The following HSD11B1 variants were observed in gnomAD, a reference collection of about 807,000 sequenced individuals.
The protein encoded by HSD11B1 is 11-beta-hydroxysteroid dehydrogenase 1.
In HSD11B1, 15 loss-of-function variants were observed where a neutral mutation model predicts 22.1. The ratio of observed to expected loss-of-function variants is 0.68; its 90% CI spans 0.45 to 1.04. The LOEUF (loss-of-function observed/expected upper bound fraction) is 1.04, where lower values mean the gene tolerates loss of function less well. Among genes scored for constraint, HSD11B1 ranks in the 50% least tolerant of loss-of-function variants. The probability of loss-of-function intolerance (pLI) is 0.00; values close to 1 mark genes in which losing one functional copy is unlikely to be tolerated. For missense variants in HSD11B1, 281 were observed against 357.6 expected, an observed-to-expected ratio of 0.79 and a Z score of 1.73; for synonymous variants, 122 against 125.2, an observed-to-expected ratio of 0.97 and a Z score of 0.17.
intron 4 of HSD11B1, among the ~76,000 whole-genome samples, chr1:209,730,883 G>A (rs201415306): frequency 1.2e-4 from 19 of 152,238 alleles, no homozygotes; most frequent in East Asian, 9.7e-4. Flanking sequence ...AAATATCGAC[G>A]ACAACCATTG....
At position 209,709,937 on chromosome 1, in the gene HSD11B1, AACACACAC is replaced by A. The variant is rs71143893; in HGVS notation, c.517+2839_517+2846del. Among the ~76,000 whole-genome samples, 371 of 143,888 alleles carry A rather than the reference AACACACAC, an allele frequency of 2.6e-3. 3 individuals carry two copies. The highest frequency in any genetic ancestry group is 5.8e-3 in the African/African-American group (230 of 39,604). 94.4% of individuals were successfully genotyped at this position (143,888 alleles called of 152,430 possible). A position where few individuals can be genotyped will look rare whatever the true frequency, so the allele number is the denominator to read the frequency against. On this transcript the variant is annotated intron_variant, in intron 4 of 5. Coordinates refer to ENST00000367027, the MANE Select transcript of HSD11B1 (RefSeq NM_005525.4). ...ACCCTCCAGGCCATCCCACATGTGA[AACACACAC>A]ACACACACACACACACACACACACA...
chr1:209,697,945 T>C (rs1205524701), intron 1 of HSD11B1, among the ~76,000 whole-genome samples: 2 of 141,014 alleles, frequency 1.4e-5, no homozygotes, highest in Non-Finnish European at 3.0e-5. Flanking sequence ...TTTCCCAAGC[T>C]GATCTCAAAC....
chr1:209,705,493 T>C (rs997604185), intron 1 of HSD11B1, among the ~76,000 whole-genome samples: 1 of 151,994 alleles, frequency 6.6e-6, no homozygotes, highest in Non-Finnish European at 1.5e-5. Context: ...TTGAGCAAAA[T>C]TGAAAGAGTC....
At position 209,706,555 on chromosome 1, in the gene HSD11B1, G is replaced by A. The variant is rs977136695; in HGVS notation, c.220-154G>A. Among the ~76,000 whole-genome samples, 2 of 152,134 alleles carry A rather than the reference G, an allele frequency of 1.3e-5. No individual in the cohort carries two copies. The highest frequency in any genetic ancestry group is 2.9e-5 in the Non-Finnish European group (2 of 68,038). On this transcript the variant is annotated intron_variant, in intron 2 of 5. Transcript: ENST00000367027. This position sits in a 1 kb window ranked among gnomAD's most constrained non-coding sequence, Gnocchi z 4.0. The stretch of plus-strand genomic sequence containing the variant: ...TCAGACAGAGGACGATGATCATGAG[G>A]GTTATATTAGGCAACACACACACAA...
intron 1 of HSD11B1, among the ~76,000 whole-genome samples, chr1:209,694,708 G>A (rs1421572172): frequency 1.3e-5 from 2 of 152,204 alleles, no homozygotes; most frequent in Non-Finnish European, 2.9e-5. Context: ...TCACAGTGCT[G>A]GGATATTCAT....
intron 1 of HSD11B1, among the ~76,000 whole-genome samples, chr1:209,699,490 G>A (rs2076813536): frequency 6.6e-6 from 1 of 151,998 alleles, no homozygotes; most frequent in African/African-American, 2.4e-5. Flanking sequence ...GGAAAGACTG[G>A]CCCCCATGAT....
upstream of HSD11B1, among the ~76,000 whole-genome samples, chr1:209,703,307 C>G (rs1214224326): frequency 6.6e-6 from 1 of 151,940 alleles, no homozygotes; most frequent in Non-Finnish European, 1.5e-5. Context: ...GAAAATAAAC[C>G]TTATCTGGGT....
At chr1:209,720,073 C>G (rs941714810) in intron 4 of HSD11B1, among the ~76,000 whole-genome samples, 1 of 152,050 alleles carries the variant, frequency 6.6e-6, no homozygotes, top group Non-Finnish European at 1.5e-5. Context: ...GTCATGCACA[C>G]GTACCCCAGA....
intron 1 of HSD11B1, among the ~76,000 whole-genome samples, chr1:209,692,613 G>GGC (rs2076767772): frequency 1.4e-5 from 1 of 71,082 alleles, no homozygotes; most frequent in South Asian, 5.6e-4. Flanking sequence ...ATGGCGGGGG[G>GGC]GGGGGTGGGG....
At chr1:209,712,340 A>C (rs1486268262) in intron 4 of HSD11B1, among the ~76,000 whole-genome samples, 1 of 152,182 alleles carries the variant, frequency 6.6e-6, no homozygotes, top group Non-Finnish European at 1.5e-5. Context: ...CCAAATGTGG[A>C]TCAAAAAAAA....
intron 1 of HSD11B1, among the ~76,000 whole-genome samples, chr1:209,696,767 G>C (rs2076793692): frequency 6.6e-6 from 1 of 152,206 alleles, no homozygotes; most frequent in South Asian, 2.1e-4. Context: ...TACTTAATGA[G>C]AAGGATCAAA....
upstream of HSD11B1, among the ~76,000 whole-genome samples, chr1:209,701,404 C>A (rs113147572): frequency 1.3e-5 from 2 of 152,132 alleles, no homozygotes; most frequent in Non-Finnish European, 2.9e-5. Context: ...GAAAGACCAG[C>A]CTCCATGATT....
intron 4 of HSD11B1, among the ~76,000 whole-genome samples, chr1:209,720,968 G>A (rs2076961456): frequency 6.6e-6 from 1 of 152,194 alleles, no homozygotes; most frequent in Non-Finnish European, 1.5e-5. Flanking sequence ...TTAATCCACT[G>A]CCAAATGTCC....
chr1:209,703,582 T>C (rs2076837529), upstream of HSD11B1, among the ~76,000 whole-genome samples: 4 of 152,224 alleles, frequency 2.6e-5, no homozygotes, highest in African/African-American at 9.6e-5. Context: ...ACAAATTGTT[T>C]CATCTCCTCT....
chr1:209,732,361 A>G, intron 4 of HSD11B1, 75 bp from the exon 5 acceptor site: 1 of 1,530,900 alleles, frequency 6.5e-7, no homozygotes, highest in Non-Finnish European at 9.0e-7. Flanking sequence ...CATAGGAGTT[A>G]CAAAGCCTAC....
chr1:209,696,314 T>C (rs1287653587), intron 1 of HSD11B1, among the ~76,000 whole-genome samples: 2 of 152,214 alleles, frequency 1.3e-5, no homozygotes, highest in Non-Finnish European at 2.9e-5. Context: ...AATCATTGAA[T>C]TGTACACTTA....
intron 4 of HSD11B1, among the ~76,000 whole-genome samples, chr1:209,711,080 C>A (rs1433064941): frequency 6.6e-6 from 1 of 152,116 alleles, no homozygotes; most frequent in African/African-American, 2.4e-5. Flanking sequence ...TGGATCTTAA[C>A]CTATTTGTCA....
chr1:209,696,780 G>GA (rs1365658730), intron 1 of HSD11B1, among the ~76,000 whole-genome samples: 2 of 152,118 alleles, frequency 1.3e-5, no homozygotes, highest in Admixed American at 6.5e-5. Flanking sequence ...GGATCAAAGA[G>GA]AAAAAAAGCA....
intron 4 of HSD11B1, among the ~76,000 whole-genome samples, chr1:209,723,679 T>C (rs564843802): frequency 6.6e-6 from 1 of 152,272 alleles, no homozygotes; most frequent in Non-Finnish European, 1.5e-5. Context: ...TGGTAGGAAA[T>C]GTGTTTGTTC....
Sources: gnomAD v4.1 joint callset for allele counts (sites outside exome capture counted in the v4.1 genomes callset) on GRCh38, gnomAD v4.1.1 for gene constraint, Gnocchi (gnomAD v3.1) non-coding constraint, MANE v1.5 for transcripts, NCBI Gene and HGNC (gene_info 2026-07-23, HGNC 2026-07-21) for gene names.